TSGA13: variants seen among roughly 807,000 people sequenced by gnomAD.
TSGA13 encodes the protein testis-specific gene 13 protein.
In TSGA13, 37 loss-of-function variants were observed where a neutral mutation model predicts 35.1. The observed-to-expected ratio is 1.05, with a 90% CI of 0.81 to 1.39. The LOEUF (loss-of-function observed/expected upper bound fraction) is 1.39, where lower values mean the gene tolerates loss of function less well. TSGA13 is among the 40% of genes most tolerant of loss of function. TSGA13 has a pLI of 0.00. For synonymous variants in TSGA13, 124 were observed against 121.2 expected (o/e 1.02, Z -0.15); for missense variants, 338 against 328.5 (o/e 1.03, Z -0.22).
rs146811050 is a variant in TSGA13 at position 130,684,828 on chromosome 7, A to G, written c.23+360T>C. ...TGCCCTTTCATTAAGTTATCTAATAATTAGTAATACAGTATAATATTTATT... is the reference window on the plus strand; with the variant it reads ...TGCCCTTTCATTAAGTTATCTAATAGTTAGTAATACAGTATAATATTTATT... On this transcript the variant is annotated intron_variant, in intron 2 of 7. Coordinates refer to ENST00000356588, the MANE Select transcript of TSGA13 (RefSeq NM_052933.4). 1.6e-4 allele frequency among the ~76,000 whole-genome samples: 25 copies of G among 152,302 alleles called. No individual in the cohort carries two copies. In the East Asian group the frequency reaches 4.8e-3, roughly 29 times the overall value.
chr7:130,679,233 T>G lies in TSGA13; in HGVS notation c.309A>C (p.Pro103=). The change falls in exon 5 of 8, where the codon CCA becomes CCC. Residue 103 remains proline (P), a synonymous_variant. Transcript: ENST00000356588. ...CTTGCTGGGTGATTGAGCAGGGAGG[T>G]GGGTTGTTGGTCATAATCAGTAACG... The part of the protein sequence containing the change: ...DKTLLIMTNN[P]PPCSITQQDK... 2 of 1,613,862 alleles carry G rather than the reference T, an allele frequency of 1.2e-6. No homozygotes were observed. The highest frequency in any genetic ancestry group is 2.2e-5 in the South Asian group (2 of 91,058).
chr7:130,679,067 A>G (rs1024774797), intron 5 of TSGA13, 88 bp downstream of exon 5: 6 of 1,096,258 alleles, frequency 5.5e-6, no homozygotes, highest in Non-Finnish European at 8.2e-6. Flanking sequence ...TCTGAGTACT[A>G]TTCTCCATGT....
intron 3 of TSGA13, among the ~76,000 whole-genome samples, chr7:130,681,932 C>A (rs1796556530): frequency 6.6e-6 from 1 of 151,836 alleles, no homozygotes; most frequent in Non-Finnish European, 1.5e-5. Flanking sequence ...TTTCTTTTTT[C>A]TTTTCTTTTT....
chr7:130,672,942 C>T (rs1796316262), intron 5 of TSGA13, 66 bp from the exon 6 acceptor site: 1 of 1,499,296 alleles, frequency 6.7e-7, no homozygotes, highest in African/African-American at 1.4e-5. Flanking sequence ...TAAGTTTGGA[C>T]CAAGTTCCTG....
At chr7:130,675,662 C>T (rs557149722) in intron 5 of TSGA13, among the ~76,000 whole-genome samples, 7 of 152,292 alleles carry the variant, frequency 4.6e-5, no homozygotes, top group African/African-American at 7.2e-5. Flanking sequence ...GGCTTACAGG[C>T]GTGAGCCACT....
At chr7:130,670,141 T>C (rs1253663016) in intron 7 of TSGA13, among the ~76,000 whole-genome samples, 1 of 152,216 alleles carries the variant, frequency 6.6e-6, no homozygotes, top group East Asian at 1.9e-4. Flanking sequence ...CTATGAAGTT[T>C]TGTTTAATAC....
intron 2 of TSGA13, 45 bp downstream of exon 2, chr7:130,685,143 A>G (rs1020428669): frequency 6.3e-7 from 1 of 1,590,412 alleles, no homozygotes; most frequent in South Asian, 1.1e-5. Context: ...ATAAGTTAAT[A>G]TAAAGTGGTG....
At chr7:130,675,229 A>G (rs1055101513) in intron 5 of TSGA13, among the ~76,000 whole-genome samples, 11 of 151,638 alleles carry the variant, frequency 7.3e-5, no homozygotes, top group African/African-American at 1.9e-4. Context: ...ATGTGTGTAT[A>G]TATATATATA....
chr7:130,672,281 G>A (rs1357349836), intron 6 of TSGA13, among the ~76,000 whole-genome samples: 3 of 152,170 alleles, frequency 2.0e-5, no homozygotes, highest in Admixed American at 6.5e-5. Flanking sequence ...ATATTGTTCC[G>A]TGACAAGGGA....
chr7:130,685,357 G>A lies in TSGA13; in HGVS notation c.-147C>T. The A allele has an allele frequency of 2.1e-6, 3 of 1,462,316 alleles. No homozygotes were observed. Among genetic ancestry groups the A allele is most frequent in the Non-Finnish European group, 2.8e-6 (3 of 1,090,312 alleles). The allele number at this position is 1,462,316 out of a possible 1,614,324, so 90.6% of individuals were successfully genotyped here. ...CAGTGTGTACTCATGCCCCATTCTT[G>A]AGCCTGTATGGGAAACAAGAAAAGA... On this transcript the variant is annotated 5_prime_UTR_variant, in exon 2 of 8. Coordinates refer to ENST00000356588, the MANE Select transcript of TSGA13 (RefSeq NM_052933.4).
At position 130,668,875 on chromosome 7, in the gene TSGA13, A is replaced by T. The variant is rs1796171226; in HGVS notation, c.*139T>A. On this transcript the variant is annotated 3_prime_UTR_variant, in exon 8 of 8. Transcript: ENST00000356588. ...CCCTTCTCCTCTTGCGGCCCGCCGG[A>T]GACTTCGGCTCGACCCTCCCGGCTT... The T allele has an allele frequency of 1.4e-6, 2 of 1,391,876 alleles. No individual in the cohort carries two copies. Among genetic ancestry groups the T allele is most frequent in the East Asian group, 4.9e-5 (2 of 40,916 alleles). 86.2% of individuals were successfully genotyped at this position (1,391,876 alleles called of 1,614,324 possible).
intron 5 of TSGA13, among the ~76,000 whole-genome samples, chr7:130,676,448 C>G (rs1796413409): frequency 6.6e-6 from 1 of 152,216 alleles, no homozygotes; most frequent in Non-Finnish European, 1.5e-5. Flanking sequence ...TTCCCACACC[C>G]AGTTTACATG....
chr7:130,677,041 C>T (rs537187399), intron 5 of TSGA13, among the ~76,000 whole-genome samples: 11 of 151,952 alleles, frequency 7.2e-5, no homozygotes, highest in Admixed American at 2.0e-4. Context: ...TACAGGCGCC[C>T]GCTACCACGC....
chr7:130,673,728 C>A (rs370848482), intron 5 of TSGA13, among the ~76,000 whole-genome samples: 1 of 151,922 alleles, frequency 6.6e-6, no homozygotes, highest in Non-Finnish European at 1.5e-5. Context: ...AACTAATGTG[C>A]GGCAATCTGA....
Position 130,668,731 on chromosome 7 carries a change from G to T in TSGA13, c.*283C>A. The T allele has an allele frequency of 6.7e-7, 1 of 1,491,064 alleles. No homozygotes were observed. The highest frequency in any genetic ancestry group is 9.0e-7 in the Non-Finnish European group (1 of 1,115,948). The allele number at this position is 1,491,064 out of a possible 1,614,324, so 92.4% of individuals were successfully genotyped here. ...GTCCCAGGCGCCGCAGCCGGCGAGC[G>T]GAAGAGGCTGCAGGAAGGCCGGCCC... On this transcript the variant is annotated 3_prime_UTR_variant, in exon 8 of 8. Transcript: ENST00000356588.
chr7:130,684,036 A>G (rs1009955632), intron 2 of TSGA13, among the ~76,000 whole-genome samples: 2 of 152,232 alleles, frequency 1.3e-5, no homozygotes, highest in Non-Finnish European at 2.9e-5. Context: ...AAAACCACCT[A>G]CTATTTTGAA....
At chr7:130,678,839 T>C (rs1324737295) in intron 5 of TSGA13, among the ~76,000 whole-genome samples, 2 of 152,128 alleles carry the variant, frequency 1.3e-5, no homozygotes, top group East Asian at 1.9e-4. Flanking sequence ...CTGGGCAACA[T>C]AGTGAGACCC....
At chr7:130,673,722 A>G (rs1238848326) in intron 5 of TSGA13, among the ~76,000 whole-genome samples, 7 of 152,120 alleles carry the variant, frequency 4.6e-5, no homozygotes, top group African/African-American at 1.7e-4. Flanking sequence ...TATTCTAACT[A>G]ATGTGCGGCA....
At chr7:130,675,130 A>G (rs567694128) in intron 5 of TSGA13, among the ~76,000 whole-genome samples, 4 of 152,136 alleles carry the variant, frequency 2.6e-5, no homozygotes, top group South Asian at 2.1e-4. Context: ...TAATGCAAAC[A>G]TATCACTCAC....
Sources: gnomAD v4.1 joint callset for allele counts (sites outside exome capture counted in the v4.1 genomes callset) on GRCh38, gnomAD v4.1.1 for gene constraint, MANE v1.5 for transcripts, NCBI Gene and HGNC (gene_info 2026-07-23, HGNC 2026-07-21) for gene names.